ZRANB3: variants seen among roughly 807,000 people sequenced by gnomAD.
ZRANB3 encodes the protein DNA annealing helicase and endonuclease ZRANB3.
ZRANB3 carries 125 observed loss-of-function variants against 133.8 expected under a neutral mutation model. That is an observed-to-expected ratio of 0.93 (90% CI 0.81 to 1.08). The LOEUF is 1.08. Ranked by LOEUF, ZRANB3 falls within the 50% of genes least tolerant of loss-of-function variation. The pLI is 0.00. For missense variants in ZRANB3, 1,229 were observed against 1,275.5 expected, an observed-to-expected ratio of 0.96 and a Z score of 0.56; for synonymous variants, 387 against 432.7, an observed-to-expected ratio of 0.89 and a Z score of 1.31.
Position 135,366,437 on chromosome 2 carries a change from C to G in ZRANB3, c.181-12809G>C, listed in dbSNP as rs150661796. On this transcript the variant is annotated intron_variant, in intron 3 of 20. Coordinates refer to ENST00000264159, the MANE Select transcript of ZRANB3 (RefSeq NM_032143.4). ...ACATCCTCTGCCAGTTGCCAAAATA[C>G]AACAATTGACTAAAAATTGAGCCCT... Among the ~76,000 whole-genome samples the G allele has an allele frequency of 7.2e-5, 11 of 152,066 alleles. No homozygotes were observed. The East Asian group carries it at 1.9e-3, about 27-fold the overall frequency.
chr2:135,513,970 C>T (rs1401188845), intron 1 of ZRANB3, among the ~76,000 whole-genome samples: 1 of 152,078 alleles, frequency 6.6e-6, no homozygotes, highest in Non-Finnish European at 1.5e-5. Context: ...ATTTCTGAGG[C>T]CTCTGTTCTG....
At chr2:135,420,840 G>A (rs1027512643) in intron 2 of ZRANB3, among the ~76,000 whole-genome samples, 3 of 152,012 alleles carry the variant, frequency 2.0e-5, no homozygotes, top group African/African-American at 7.2e-5. Context: ...GAAATTAAAG[G>A]AAAATTTTAG....
At chr2:135,467,955 A>C (rs1691071592) in intron 2 of ZRANB3, among the ~76,000 whole-genome samples, 1 of 152,216 alleles carries the variant, frequency 6.6e-6, no homozygotes, top group Non-Finnish European at 1.5e-5. Flanking sequence ...CTCAATATAC[A>C]TGTGTTGAAT....
At chr2:135,435,804 TTCA>T (rs1416326972) in intron 2 of ZRANB3, among the ~76,000 whole-genome samples, 2 of 152,236 alleles carry the variant, frequency 1.3e-5, no homozygotes, top group Non-Finnish European at 2.9e-5. Context: ...GAAGTGTCTG[TTCA>T]TGTCCTTTGC....
chr2:135,343,843 T>C (rs1286452230), intron 6 of ZRANB3, among the ~76,000 whole-genome samples: 1 of 150,058 alleles, frequency 6.7e-6, no homozygotes. Context: ...TCAGTTCACA[T>C]TGGCAAGAAT....
intron 12 of ZRANB3, among the ~76,000 whole-genome samples, chr2:135,254,621 C>T (rs918668011): frequency 2.0e-5 from 3 of 151,754 alleles, no homozygotes; most frequent in African/African-American, 7.3e-5. Flanking sequence ...TTGAAAAAAA[C>T]AAAACAAAAA....
At chr2:135,471,292 G>A (rs1435631553) in intron 2 of ZRANB3, among the ~76,000 whole-genome samples, 1 of 152,094 alleles carries the variant, frequency 6.6e-6, no homozygotes, top group Non-Finnish European at 1.5e-5. Flanking sequence ...ACTCATATGA[G>A]TCAGTTTTAT....
At chr2:135,420,105 A>G (rs190721730) in intron 2 of ZRANB3, among the ~76,000 whole-genome samples, 3 of 139,078 alleles carry the variant, frequency 2.2e-5, no homozygotes, top group African/African-American at 8.2e-5. Flanking sequence ...ATATATATAT[A>G]TATATATATA....
At chr2:135,231,795 A>C (rs920945623) in intron 12 of ZRANB3, among the ~76,000 whole-genome samples, 139 of 151,734 alleles carry the variant, frequency 9.2e-4, no homozygotes, top group African/African-American at 3.2e-3. Context: ...CAAAAAAAAA[A>C]CACACACAAA....
intron 8 of ZRANB3, among the ~76,000 whole-genome samples, chr2:135,293,900 A>T (rs1463636236): frequency 6.6e-6 from 1 of 150,960 alleles, no homozygotes; most frequent in African/African-American, 2.4e-5. Context: ...GATTACGTTT[A>T]TTGATTTTCG....
intron 2 of ZRANB3, among the ~76,000 whole-genome samples, chr2:135,429,520 AG>A (rs1689229757): frequency 6.6e-6 from 1 of 152,198 alleles, no homozygotes; most frequent in African/African-American, 2.4e-5. Context: ...TGAACCTAAA[AG>A]TTTAAAAAAA....
chr2:135,322,035 TA>T (rs1174799528), intron 6 of ZRANB3, among the ~76,000 whole-genome samples: 1 of 152,216 alleles, frequency 6.6e-6, no homozygotes, highest in Non-Finnish European at 1.5e-5. Context: ...ACAATCCATT[TA>T]TCATTAAATT....
At chr2:135,393,295 C>G (rs990197851) in intron 2 of ZRANB3, among the ~76,000 whole-genome samples, 1 of 151,952 alleles carries the variant, frequency 6.6e-6, no homozygotes, top group Non-Finnish European at 1.5e-5. Flanking sequence ...AAAAGCAATA[C>G]TTGGAAAAAC....
intron 3 of ZRANB3, among the ~76,000 whole-genome samples, chr2:135,366,472 A>G (rs1165562109): frequency 6.6e-6 from 1 of 152,228 alleles, no homozygotes. Flanking sequence ...TAATGAGTTG[A>G]GTAGTTTCAA....
intron 2 of ZRANB3, among the ~76,000 whole-genome samples, chr2:135,497,618 A>G (rs1176070411): frequency 1.3e-5 from 2 of 152,274 alleles, no homozygotes; most frequent in Admixed American, 1.3e-4. Context: ...AAGTTCCATT[A>G]GACAGCACTT....
chr2:135,276,176 A>T (rs996243359), intron 8 of ZRANB3, among the ~76,000 whole-genome samples: 2 of 152,040 alleles, frequency 1.3e-5, no homozygotes, highest in South Asian at 2.1e-4. Context: ...ATTTTTTTTT[A>T]AAAGGGAAGA....
At chr2:135,360,271 C>G (rs1361906785) in intron 3 of ZRANB3, among the ~76,000 whole-genome samples, 1 of 151,958 alleles carries the variant, frequency 6.6e-6, no homozygotes, top group Non-Finnish European at 1.5e-5. Context: ...GTCCCAGCTA[C>G]TCGGGAGGCT....
chr2:135,297,721 C>A (rs1274766212), intron 8 of ZRANB3, among the ~76,000 whole-genome samples: 3 of 152,158 alleles, frequency 2.0e-5, no homozygotes, highest in Admixed American at 2.0e-4. Flanking sequence ...CCTAAAAATT[C>A]TTTTTTCTTT....
At chr2:135,308,627 CTTTG>C (rs1682814793) in intron 8 of ZRANB3, among the ~76,000 whole-genome samples, 1 of 151,160 alleles carries the variant, frequency 6.6e-6, no homozygotes, top group African/African-American at 2.4e-5. Context: ...TTGTCTTTTC[CTTTG>C]TTTGTTTTTT....
Sources: allele counts gnomAD v4.1 joint callset (sites outside exome capture counted in the v4.1 genomes callset), GRCh38; gene constraint gnomAD v4.1.1; transcripts MANE v1.5; gene names NCBI Gene and HGNC (gene_info 2026-07-23, HGNC 2026-07-21).